DHX34: variants seen among roughly 807,000 people sequenced by gnomAD.
DHX34 encodes DExH-box helicase 34.
In DHX34, 96 loss-of-function variants were observed where a neutral mutation model predicts 111.1. The observed-to-expected ratio is 0.86, with a 90% CI of 0.73 to 1.02. DHX34 has a LOEUF of 1.02. Among genes scored for constraint, DHX34 ranks in the 50% least tolerant of loss-of-function variants. DHX34 has a pLI of 0.00. For synonymous variants in DHX34, 688 were observed against 670.4 expected (o/e 1.03, Z -0.41); for missense variants, 1,560 against 1,579.9 (o/e 0.99, Z 0.21).
intron 7 of DHX34, among the ~76,000 whole-genome samples, chr19:47,368,025 A>G (rs1372343181): frequency 1.3e-5 from 2 of 151,848 alleles, no homozygotes; most frequent in Admixed American, 6.6e-5. Flanking sequence ...GCAAGATTTT[A>G]TGTTATTTTT....
At chr19:47,373,816 C>T in intron 9 of DHX34, 116 bp downstream of exon 9, 1 of 1,250,576 alleles carries the variant, frequency 8.0e-7, no homozygotes, top group East Asian at 2.7e-5. Flanking sequence ...CCACCCTGCA[C>T]CCACCTCCCC....
At chr19:47,379,069 C>T (rs1488831476) in intron 13 of DHX34, among the ~76,000 whole-genome samples, 3 of 151,650 alleles carry the variant, frequency 2.0e-5, no homozygotes, top group Non-Finnish European at 4.4e-5. Context: ...GTGGAGGTTG[C>T]AGTGAGCCAA....
chr19:47,353,326 CT>C lies in DHX34; in HGVS notation c.298del (p.Tyr100ThrfsTer76). 1 of 1,614,212 alleles carries C rather than the reference CT, an allele frequency of 6.2e-7. No homozygotes were observed. Among genetic ancestry groups the C allele is most frequent in the South Asian group, 1.1e-5 (1 of 91,088 alleles). On this transcript the variant is annotated frameshift_variant, in exon 2 of 17. Coordinates refer to ENST00000328771, the MANE Select transcript of DHX34 (RefSeq NM_014681.6). LOFTEE classifies it high-confidence loss of function. This position sits in a 1 kb window ranked among gnomAD's most constrained non-coding sequence, Gnocchi z 4.6. The part of the protein sequence containing the change: ...SIPALADLPR[T>X]YDPRYRINLS... Reference sequence around the variant, plus strand: ...CCAGCGCTGGCCGACCTACCTCGCACTTACGACCCACGTTACCGCATCAACC... The same window carrying C: ...CCAGCGCTGGCCGACCTACCTCGCACTACGACCCACGTTACCGCATCAACC...
rs368827960 is a variant in DHX34, at chr19:47,380,948, G to C, written c.3115G>C (p.Gly1039Arg). The C allele has an allele frequency of 1.9e-6, 3 of 1,604,086 alleles. No individual in the cohort carries two copies. The highest frequency in any genetic ancestry group is 1.3e-5 in the African/African-American group (1 of 74,648). The part of the protein sequence containing the change: ...SSTLSPHPTK[G>R]GYAVTDFLTY... ...CACCCTGTCCCCCCACCCCACAAAG[G>C]GGGGCTACGCAGTCACTGACTTCCT... Residue 1039 changes from glycine to arginine, a missense_variant, in exon 15 of 17, where the codon GGG becomes CGG. Transcript: ENST00000328771.
At position 47,376,568 on chromosome 19, in the gene DHX34, G is replaced by C. The variant is rs368387392; in HGVS notation, c.2599+8G>C. 6.4e-7 allele frequency: 1 copy of C among 1,552,072 alleles called. No homozygotes were observed. The highest frequency in any genetic ancestry group is 8.7e-7 in the Non-Finnish European group (1 of 1,148,550). ...ACTGCGACGGAAGCCGAGGTACAGT[G>C]AGCCCAGGCGGAAGGAACCCCCATC... is the stretch of plus-strand genomic sequence containing the variant. On this transcript the variant is annotated splice_region_variant and intron_variant, in intron 12 of 16. Coordinates refer to ENST00000328771, the MANE Select transcript of DHX34 (RefSeq NM_014681.6).
At chr19:47,356,703 C>G (rs1029110213) in intron 3 of DHX34, among the ~76,000 whole-genome samples, 6 of 151,904 alleles carry the variant, frequency 3.9e-5, no homozygotes, top group African/African-American at 7.3e-5. Flanking sequence ...CCTATAATCC[C>G]AGCACTTTAG....
chr19:47,360,057 C>T lies in DHX34; in HGVS notation c.1362C>T (p.Phe454=), dbSNP rs760201365. The T allele has an allele frequency of 1.2e-5, 19 of 1,613,840 alleles. No homozygotes were observed. The highest frequency in any genetic ancestry group is 4.5e-5 in the East Asian group (2 of 44,890). Reference sequence around the variant, plus strand: ...CAGTCACCATTGACGGGATCCGCTTCGTAGTAGATTCCGGTAAGGACCACC... The same window carrying T: ...CAGTCACCATTGACGGGATCCGCTTTGTAGTAGATTCCGGTAAGGACCACC... ...ETSVTIDGIR[F]VVDSGKVKEM... is the part of the protein sequence containing the mutation. Residue 454 remains phenylalanine, a synonymous_variant, in exon 5 of 17, where the codon TTC becomes TTT. Transcript: ENST00000328771.
Position 47,381,120 on chromosome 19 carries a change from G to A in DHX34, c.3160-66G>A, listed in dbSNP as rs547724531. ...CCTGAGGGCTTCTGGGAAGGGTCCC[G>A]GGGGGGCACTTGGGTGGTGGGTGGC... is the stretch of plus-strand genomic sequence containing the variant. On this transcript the variant is annotated intron_variant, in intron 15 of 16. Coordinates refer to ENST00000328771, the MANE Select transcript of DHX34 (RefSeq NM_014681.6). 31 of 1,594,750 alleles carry A rather than the reference G, an allele frequency of 1.9e-5. No homozygotes were observed. In the East Asian group the frequency reaches 3.1e-4, roughly 16 times the overall value.
In DHX34 at chr19:47,352,840, TCAAG is replaced by T; in HGVS notation, c.-188_-185del. 1 of 1,217,894 alleles carries T rather than the reference TCAAG, an allele frequency of 8.2e-7. No individual in the cohort carries two copies. Among genetic ancestry groups the T allele is most frequent in the Non-Finnish European group, 1.1e-6 (1 of 905,492 alleles). 75.4% of individuals were successfully genotyped at this position (1,217,894 alleles called of 1,614,324 possible). ...ATGAGGTACCCTTTGTGTCACCAGC[TCAAG>T]CAGGCCTCTGGCCACTTTATCATCT... On this transcript the variant is annotated 5_prime_UTR_variant, in exon 2 of 17. An upstream open reading frame in the 5' UTR loses its in-frame stop. Coordinates refer to ENST00000328771, the MANE Select transcript of DHX34 (RefSeq NM_014681.6).
intron 3 of DHX34, among the ~76,000 whole-genome samples, chr19:47,357,314 G>T (rs1205527549): frequency 6.6e-6 from 1 of 152,212 alleles, no homozygotes; most frequent in East Asian, 1.9e-4. Context: ...ACATACATCT[G>T]TGTAGCTAGC....
chr19:47,365,867 AATT>A (rs1171388030), intron 6 of DHX34, among the ~76,000 whole-genome samples: 1 of 152,116 alleles, frequency 6.6e-6, no homozygotes, highest in Non-Finnish European at 1.5e-5. Context: ...CTGCTGCATT[AATT>A]GGGATTCTTT....
At chr19:47,381,440 C>A in intron 16 of DHX34, 116 bp downstream of exon 16, 1 of 1,416,768 alleles carries the variant, frequency 7.1e-7, no homozygotes, top group Non-Finnish European at 9.4e-7. Context: ...GACCTCCACC[C>A]GCTGGCCCTG....
At chr19:47,373,909 C>T (rs1245136777) in intron 9 of DHX34, among the ~76,000 whole-genome samples, 1 of 152,116 alleles carries the variant, frequency 6.6e-6, no homozygotes, top group African/African-American at 2.4e-5. Flanking sequence ...AGGGGTGGAC[C>T]GAGTCAGTGG....
At position 47,353,522 on chromosome 19, in the gene DHX34, C is replaced by T. The variant is rs148693538; in HGVS notation, c.492C>T (p.Ile164=). The change falls in exon 2 of 17, where the codon ATC becomes ATT. Residue 164 remains isoleucine (I), a synonymous_variant. Transcript: ENST00000328771. The surrounding 1 kb of genome is among the most constrained non-coding windows in gnomAD (Gnocchi z 4.6). ...KLQRERAALP[I]AQYGNRILQT... is the part of the protein sequence containing the mutation. The stretch of plus-strand genomic sequence containing the variant: ...AGCGTGAGCGGGCAGCCCTCCCCAT[C>T]GCCCAGTATGGGAACCGCATCCTGC... 2.4e-5 allele frequency: 38 copies of T among 1,613,728 alleles called. No homozygotes were observed. In the African/African-American group the frequency reaches 2.8e-4, roughly 12 times the overall value.
At chr19:47,357,449 T>C (rs1237692866) in intron 3 of DHX34, among the ~76,000 whole-genome samples, 1 of 152,172 alleles carries the variant, frequency 6.6e-6, no homozygotes, top group Admixed American at 6.6e-5. Context: ...GTCACCTGAC[T>C]GTTTCTCAAT....
In DHX34 at chr19:47,352,999, C is replaced by T. The variant is rs763630232; in HGVS notation, c.-32C>T. 2 of 1,583,662 alleles carry T rather than the reference C, an allele frequency of 1.3e-6. No homozygotes were observed. The highest frequency in any genetic ancestry group is 1.7e-6 in the Non-Finnish European group (2 of 1,161,262). On this transcript the variant is annotated 5_prime_UTR_variant, in exon 2 of 17. The change creates a premature stop within an existing upstream ORF in the 5' untranslated region. Coordinates refer to ENST00000328771, the MANE Select transcript of DHX34 (RefSeq NM_014681.6). ...GATGAGAATATTTGTTTTGGGTGAT[C>T]AGAACTGAGACTCCTATTGTGGATT...
At position 47,376,480 on chromosome 19, in the gene DHX34, ACCC is replaced by A; in HGVS notation, c.2521_2523del (p.Pro841del). On this transcript the variant is annotated inframe_deletion, in exon 12 of 17. Transcript: ENST00000328771. ...CAGGCCAAGCAGGGCGCCGTGCTGC[ACCC>A]CACCTGCGTCTTCGCTGGCAGCCCC... 1.2e-6 allele frequency: 2 copies of A among 1,610,134 alleles called. No individual in the cohort carries two copies. Among genetic ancestry groups the A allele is most frequent in the Non-Finnish European group, 1.7e-6 (2 of 1,178,668 alleles).
intron 3 of DHX34, among the ~76,000 whole-genome samples, chr19:47,356,980 G>GTTTTGT (rs1568395291): frequency 6.6e-6 from 1 of 152,102 alleles, no homozygotes; most frequent in Non-Finnish European, 1.5e-5. Context: ...GTTTTCTAGG[G>GTTTTGT]TTTTTGTTTT....
intron 15 of DHX34, 55 bp downstream of exon 15, chr19:47,381,047 C>G: frequency 2.6e-6 from 4 of 1,542,340 alleles, no homozygotes; most frequent in Non-Finnish European, 3.5e-6. Flanking sequence ...CCCCACCACC[C>G]CGTTTCACCT....
Sources: allele counts gnomAD v4.1 joint callset (sites outside exome capture counted in the v4.1 genomes callset), GRCh38; gene constraint gnomAD v4.1.1; non-coding constraint Gnocchi (gnomAD v3.1); transcripts MANE v1.5; gene names NCBI Gene and HGNC (gene_info 2026-07-23, HGNC 2026-07-21).